The following ECEL1 variants were observed in gnomAD, a reference collection of about 807,000 sequenced individuals.
ECEL1 encodes the protein endothelin-converting enzyme-like 1.
Under a neutral mutation model 101.8 loss-of-function variants are expected in ECEL1, and 87 were observed. The observed-to-expected ratio is 0.85, with a 90% CI of 0.72 to 1.02. The LOEUF (loss-of-function observed/expected upper bound fraction) is 1.02. Among genes scored for constraint, ECEL1 ranks in the 50% least tolerant of loss-of-function variants. The pLI, the probability that ECEL1 is intolerant of heterozygous loss-of-function variation, is 0.00. For missense variants in ECEL1, 1,032 were observed against 1,079.2 expected (o/e 0.96, Z 0.61); for synonymous variants, 487 against 468.7 (o/e 1.04, Z -0.50).
intron 14 of ECEL1, 42 bp downstream of exon 14, chr2:232,481,464 C>T (rs1349014395): frequency 6.3e-7 from 1 of 1,578,330 alleles, no homozygotes; most frequent in Non-Finnish European, 8.6e-7. Flanking sequence ...GGCCCGTGCC[C>T]CACCAGGCCT....
chr2:232,484,991 T>C lies in ECEL1; in HGVS notation c.956A>G (p.Gln319Arg), dbSNP rs773359996. ...KAQEILQVEQ[Q>R]LANITVSEHD... The stretch of plus-strand genomic sequence containing the variant: ...TCCTGGTCTGCTCACGTTGGCCAGC[T>C]GCTGCTCCACTTGCAGGATCTCTTG... The change falls in exon 4 of 18, where the codon CAG becomes CGG. Residue 319 changes from glutamine to arginine, a missense_variant. By Grantham distance (43) the Gln-to-Arg change is conservative (BLOSUM62 1). Coordinates refer to ENST00000304546, the MANE Select transcript of ECEL1 (RefSeq NM_004826.4). 99 of 1,613,062 alleles carry C rather than the reference T, an allele frequency of 6.1e-5. No individual in the cohort carries two copies. The highest frequency in any genetic ancestry group is 8.1e-5 in the Non-Finnish European group (95 of 1,180,016).
At position 232,481,091 on chromosome 2, in the gene ECEL1, G is replaced by T. The variant is rs201375083; in HGVS notation, c.2055C>A (p.His685Gln). The change falls in exon 15 of 18, where the codon CAC (histidine) becomes CAA (glutamine). Residue 685 changes from histidine to glutamine, a missense_variant and splice_region_variant. Transcript: ENST00000304546. ...ADMGGLKLAYHAYQKWVREHG... is the reference protein window; with the variant it reads ...ADMGGLKLAYQAYQKWVREHG... The stretch of plus-strand genomic sequence containing the variant: ...GGTGGAGCACAGGCAGGCCGCTCAC[G>T]TGGTAGGCCAGCTTGAGGCCGCCCA... 1.9e-6 allele frequency: 3 copies of T among 1,558,828 alleles called. No individual in the cohort carries two copies. Among genetic ancestry groups the T allele is most frequent in the Non-Finnish European group, 2.6e-6 (3 of 1,151,482 alleles).
chr2:232,485,453 G>T (rs1690695605), intron 2 of ECEL1, among the ~76,000 whole-genome samples, 186 bp from the exon 3 acceptor site: 1 of 152,190 alleles, frequency 6.6e-6, no homozygotes, highest in Non-Finnish European at 1.5e-5. Context: ...GACTGTCCCA[G>T]CCTGCGGATG....
intron 7 of ECEL1, 36 bp downstream of exon 7, chr2:232,483,965 A>G (rs763624099): frequency 6.3e-7 from 1 of 1,575,358 alleles, no homozygotes; most frequent in Non-Finnish European, 8.6e-7. Context: ...CCCTCAGTTC[A>G]GCACCATCCT....
intron 2 of ECEL1, 106 bp downstream of exon 2, chr2:232,485,762 C>T: frequency 1.4e-6 from 2 of 1,404,814 alleles, no homozygotes; most frequent in Non-Finnish European, 9.6e-7. Context: ...CGTCTCTTCC[C>T]TCCTCTCCTC....
Position 232,482,425 on chromosome 2 carries a change from AGTCAGG to A in ECEL1, c.1783_1788del (p.Pro595_Asp596del). The A allele has an allele frequency of 6.2e-7, 1 of 1,613,940 alleles. No homozygotes were observed. On this transcript the variant is annotated inframe_deletion, in exon 12 of 18. Coordinates refer to ENST00000304546, the MANE Select transcript of ECEL1 (RefSeq NM_004826.4). ...GGCAAGCTATGTACTCACTGTGGGA[AGTCAGG>A]GTCGTACAGGGTGGGCTGCAGGATG...
At chr2:232,484,423 G>T (rs1470593571) in intron 6 of ECEL1, 49 bp downstream of exon 6, 2 of 1,607,020 alleles carry the variant, frequency 1.2e-6, no homozygotes, top group Non-Finnish European at 1.7e-6. Context: ...GGGTGCAGGG[G>T]AAGGACCTAG....
At position 232,484,110 on chromosome 2, in the gene ECEL1, T is replaced by C; in HGVS notation, c.1298A>G (p.Lys433Arg). The change falls in exon 7 of 18, where the codon AAG becomes AGG. Residue 433 changes from lysine to arginine, a missense_variant. Coordinates refer to ENST00000304546, the MANE Select transcript of ECEL1 (RefSeq NM_004826.4). Reference sequence around the variant, plus strand: ...GCAGACCCGGGCCAGCTCCTGTGGCTTGTCGCTGCCCTCCATCTCCTGTGC... The same window carrying C: ...GCAGACCCGGGCCAGCTCCTGTGGCCTGTCGCTGCCCTCCATCTCCTGTGC... ...ELAQEMEGSD[K>R]PQELARVCLG... 1.2e-6 allele frequency: 2 copies of C among 1,613,782 alleles called. No homozygotes were observed. Among genetic ancestry groups the C allele is most frequent in the Non-Finnish European group, 1.7e-6 (2 of 1,180,024 alleles).
chr2:232,485,765 C>T (rs1690703562), intron 2 of ECEL1, 103 bp downstream of exon 2: 1 of 1,420,378 alleles, frequency 7.0e-7, no homozygotes, highest in East Asian at 2.5e-5. Flanking sequence ...CTCTTCCCTC[C>T]TCTCCTCTCA....
chr2:232,481,276 G>T, intron 14 of ECEL1, 120 bp from the exon 15 acceptor site: 1 of 1,378,064 alleles, frequency 7.3e-7, no homozygotes, highest in Non-Finnish European at 9.9e-7. Context: ...TGCCCAGAGA[G>T]TTTGAGGGGG....
Position 232,485,232 on chromosome 2 carries a change from G to C in ECEL1, c.822C>G (p.Thr274=). 1.2e-6 allele frequency: 2 copies of C among 1,613,644 alleles called. No individual in the cohort carries two copies. Among genetic ancestry groups the C allele is most frequent in the Non-Finnish European group, 1.7e-6 (2 of 1,179,998 alleles). ...DQDGLTLPER[T]LYLAQDEDSE... ...TGTCCTCATCCTGAGCGAGGTACAG[G>C]GTCCTCTCTGGCAGGGTGAGCCCAT... Residue 274 remains threonine (T), a synonymous_variant, in exon 3 of 18, where the codon ACC becomes ACG. Coordinates refer to ENST00000304546, the MANE Select transcript of ECEL1 (RefSeq NM_004826.4).
At chr2:232,486,926 G>A (rs887992207) in intron 1 of ECEL1, among the ~76,000 whole-genome samples, 172 bp from the exon 2 acceptor site, 12 of 152,126 alleles carry the variant, frequency 7.9e-5, no homozygotes, top group Non-Finnish European at 1.8e-4. Context: ...GGTGCACAGT[G>A]GAGTCTTCCC....
Position 232,480,283 on chromosome 2 carries a change from G to A in ECEL1, c.2229-31C>T, listed in dbSNP as rs192434358. 10,116 of 1,612,456 alleles carry A rather than the reference G, an allele frequency of 6.3e-3. 52 individuals are homozygous for A. The highest frequency in any genetic ancestry group is 9.6e-3 in the Middle Eastern group (58 of 6,060). On this transcript the variant is annotated intron_variant, in intron 17 of 17. Coordinates refer to ENST00000304546, the MANE Select transcript of ECEL1 (RefSeq NM_004826.4). Reference sequence around the variant, plus strand: ...GTGGGGAGAGACCCACACAGTGTTGGGCCCTGCAGCCACTCCAGCCCCAGC... The same window carrying A: ...GTGGGGAGAGACCCACACAGTGTTGAGCCCTGCAGCCACTCCAGCCCCAGC...
rs1434544315 is a variant in ECEL1, at chr2:232,482,922, G to A, written c.1614C>T (p.Asn538=). ...FEVHEKTYFK[N]ILNSIRFSIQ... is the part of the protein sequence containing the mutation. The stretch of plus-strand genomic sequence containing the variant: ...TGCTGAAGCGGATGCTGTTCAAGAT[G>A]TTCTTGAAGTAGGTCTTCTCATGGA... The change falls in exon 10 of 18, where the codon AAC becomes AAT. Residue 538 remains asparagine, a synonymous_variant. Coordinates refer to ENST00000304546, the MANE Select transcript of ECEL1 (RefSeq NM_004826.4). The A allele has an allele frequency of 1.2e-6, 2 of 1,614,176 alleles. No homozygotes were observed. The highest frequency in any genetic ancestry group is 1.7e-5 in the Admixed American group (1 of 60,038).
rs1397710487 is a variant in ECEL1 at position 232,486,585 on chromosome 2, G to C, written c.69C>G (p.Cys23Trp). 1.8e-5 allele frequency: 25 copies of C among 1,412,712 alleles called. No individual in the cohort carries two copies. Among genetic ancestry groups the C allele is most frequent in the Non-Finnish European group, 2.3e-5 (25 of 1,085,484 alleles). 87.5% of individuals were successfully genotyped at this position (1,412,712 alleles called of 1,614,324 possible). The change falls in exon 2 of 18, where the codon TGC becomes TGG. Residue 23 changes from cysteine (C) to tryptophan (W), a missense_variant. Physicochemically the swap from Cys to Trp is radical, Grantham distance 215. Transcript: ENST00000304546. ...EFQEVKYVSR[C>W]GAGGARGASL... ...AGGCCCCGCGCGCGCCCCCCGCGCC[G>C]CAGCGGCTCACGTACTTGACCTCTT...
At position 232,482,877 on chromosome 2, in the gene ECEL1, C is replaced by T. The variant is rs762550443; in HGVS notation, c.1659G>A (p.Lys553=). ...IRFSIQLSVK[K]IRQEVDKSTW... ...TGGACTTGTCCACCTCCTGCCGAAT[C>T]TTCTTAACTGAGAGCTGGATGCTGA... The change falls in exon 10 of 18, where the codon AAG becomes AAA. Residue 553 remains lysine, a synonymous_variant. Transcript: ENST00000304546. The T allele has an allele frequency of 1.4e-5, 23 of 1,614,184 alleles. No homozygotes were observed. Among genetic ancestry groups the T allele is most frequent in the Admixed American group, 3.3e-5 (2 of 60,036 alleles).
At position 232,483,530 on chromosome 2, in the gene ECEL1, T is replaced by C. The variant is rs753825035; in HGVS notation, c.1408-16A>G. The stretch of plus-strand genomic sequence containing the variant: ...GCTGCTGCACCTGCAGGGTCAGGGG[T>C]CAGGGAGCAAGGGTCAACCCAGCAG... On this transcript the variant is annotated splice_polypyrimidine_tract_variant and intron_variant, in intron 7 of 17. Transcript: ENST00000304546. The C allele has an allele frequency of 3.1e-6, 5 of 1,592,640 alleles. No individual in the cohort carries two copies. The highest frequency in any genetic ancestry group is 4.3e-6 in the Non-Finnish European group (5 of 1,172,714).
intron 2 of ECEL1, 85 bp downstream of exon 2, chr2:232,485,783 G>T: frequency 6.7e-7 from 1 of 1,489,488 alleles, no homozygotes; most frequent in East Asian, 2.5e-5. Context: ...TCACGCACCC[G>T]CCTCCCGCGC....
At chr2:232,480,572 C>A (rs1209840014) in intron 16 of ECEL1, 97 bp from the exon 17 acceptor site, 1 of 1,529,830 alleles carries the variant, frequency 6.5e-7, no homozygotes, top group South Asian at 1.1e-5. Flanking sequence ...TAGGCCCCCT[C>A]AGCACCACAG....
Sources: allele counts gnomAD v4.1 joint callset (sites outside exome capture counted in the v4.1 genomes callset), GRCh38; gene constraint gnomAD v4.1.1; transcripts MANE v1.5; gene names NCBI Gene and HGNC (gene_info 2026-07-23, HGNC 2026-07-21).